Variants in LRRC41 observed in about 807,000 individuals in gnomAD.
LRRC41 encodes the protein leucine-rich repeat-containing protein 41.
A neutral mutation model predicts 72.1 loss-of-function variants in LRRC41; 17 were observed. The observed-to-expected ratio is 0.24, with a 90% confidence interval of 0.16 to 0.35. LRRC41 has a LOEUF of 0.35. Ranked by LOEUF, LRRC41 falls within the 10% of genes least tolerant of loss-of-function variation. The pLI, the probability that LRRC41 is intolerant of heterozygous loss-of-function variation, is 1.00. For missense variants in LRRC41, 759 were observed against 1,065.0 expected (o/e 0.71, Z 4.00); for synonymous variants, 427 against 431.0 (o/e 0.99, Z 0.11).
rs72883420 is a variant in LRRC41 at position 46,297,918 on chromosome 1, G to C, written c.287-285C>G. ...AAAGGATTAGGGTAAATGAGTTTCTGTGGGTAAAGTGCCTAGGACAATGCT... is the reference window on the plus strand; with the variant it reads ...AAAGGATTAGGGTAAATGAGTTTCTCTGGGTAAAGTGCCTAGGACAATGCT... On this transcript the variant is annotated intron_variant, in intron 2 of 9. Transcript: ENST00000617190. Among the ~76,000 whole-genome samples the C allele has an allele frequency of 8.2e-3, 1,250 of 152,296 alleles. 19 individuals carry two copies. Among genetic ancestry groups the C allele is most frequent in the Middle Eastern group, 0.037 (11 of 294 alleles).
In LRRC41 at chr1:46,303,324, T is replaced by A. The variant is rs1569674726; in HGVS notation, c.-2A>T. On this transcript the variant is annotated 5_prime_UTR_variant, in exon 1 of 10. It adds an upstream start codon to the 5' untranslated region. Coordinates refer to ENST00000617190, the MANE Select transcript of LRRC41 (RefSeq NM_006369.5). Reference sequence around the variant, plus strand: ...GCGCCAGGCCTCGGGCGCCGCCATCTTGGGGAGGTGCGCGAGCCCGAGAGT... The same window carrying A: ...GCGCCAGGCCTCGGGCGCCGCCATCATGGGGAGGTGCGCGAGCCCGAGAGT... 2.6e-6 allele frequency: 4 copies of A among 1,516,062 alleles called. No individual in the cohort carries two copies. Among genetic ancestry groups the A allele is most frequent in the Non-Finnish European group, 2.6e-6 (3 of 1,135,288 alleles). The allele number at this position is 1,516,062 out of a possible 1,614,324, so 93.9% of individuals were successfully genotyped here.
At position 46,285,630 on chromosome 1, in the gene LRRC41, C is replaced by T; in HGVS notation, c.1227G>A (p.Glu409=). Reference sequence around the variant, plus strand: ...AAACGAAGTCATACAGGTCTTCAGACTCTGCACCAGGCCCCTGACGGGTGC... The same window carrying T: ...AAACGAAGTCATACAGGTCTTCAGATTCTGCACCAGGCCCCTGACGGGTGC... ...GARTRQGPGA[E]SEDLYDFVFI... Residue 409 remains glutamate (E), a synonymous_variant, in exon 4 of 10, where the codon GAG becomes GAA. Transcript: ENST00000617190. The surrounding 1 kb of genome is among the most constrained non-coding windows in gnomAD (Gnocchi z 5.3). The T allele has an allele frequency of 6.2e-7, 1 of 1,614,184 alleles. No homozygotes were observed. Among genetic ancestry groups the T allele is most frequent in the Non-Finnish European group, 8.5e-7 (1 of 1,180,030 alleles).
At chr1:46,290,916 G>GTTTTTTTTT (rs71062750) in intron 3 of LRRC41, among the ~76,000 whole-genome samples, 4 of 65,728 alleles carry the variant, frequency 6.1e-5, no homozygotes, top group Non-Finnish European at 8.6e-5. Flanking sequence ...CCTGTTTCTA[G>GTTTTTTTTT]TTTTTTTTTT....
chr1:46,293,534 C>T (rs1174557542), intron 3 of LRRC41, among the ~76,000 whole-genome samples: 2 of 152,138 alleles, frequency 1.3e-5, no homozygotes, highest in South Asian at 2.1e-4. Flanking sequence ...TGAGCCATCA[C>T]ACCCGGCCTG....
At position 46,302,707 on chromosome 1, in the gene LRRC41, G is replaced by A; in HGVS notation, c.199+417C>T. The A allele has an allele frequency of 1.0e-6, 1 of 985,184 alleles. No individual in the cohort carries two copies. The highest frequency in any genetic ancestry group is 1.2e-6 in the Non-Finnish European group (1 of 829,788). The allele number at this position is 985,184 out of a possible 1,614,324, so 61.0% of individuals were successfully genotyped here. ...CGGGCCTGGCCTGGCCTTGCCTTAG[G>A]CCGGGCCTCCTAACCTCGGCCCCTG... On this transcript the variant is annotated intron_variant, in intron 1 of 9. Transcript: ENST00000617190. The surrounding 1 kb of genome is among the most constrained non-coding windows in gnomAD (Gnocchi z 4.7).
intron 1 of LRRC41, among the ~76,000 whole-genome samples, chr1:46,301,737 C>T (rs1156352005): frequency 2.0e-5 from 3 of 152,086 alleles, no homozygotes; most frequent in Admixed American, 1.3e-4. Flanking sequence ...CTGACCAGGG[C>T]CTTCCTCCTG....
intron 1 of LRRC41, 59 bp downstream of exon 1, chr1:46,303,065 C>T: frequency 7.4e-7 from 1 of 1,342,724 alleles, no homozygotes; most frequent in Non-Finnish European, 9.5e-7. Flanking sequence ...CCCGCGCCCC[C>T]CGGCCGCTGG....
chr1:46,293,632 C>T (rs1157001824), intron 3 of LRRC41, among the ~76,000 whole-genome samples: 3 of 151,508 alleles, frequency 2.0e-5, no homozygotes, highest in East Asian at 3.9e-4. Context: ...TGCAATGGAG[C>T]GATCTAGTCT....
intron 1 of LRRC41, chr1:46,300,120 G>A (rs546060615): frequency 1.6e-4 from 25 of 152,154 alleles, no homozygotes; most frequent in African/African-American, 6.0e-4. Context: ...TTAAGTCCAG[G>A]AGTTTGAGAC....
chr1:46,289,014 G>A lies in LRRC41; in HGVS notation c.358-2515C>T, dbSNP rs375178029. 3.9e-5 allele frequency among the ~76,000 whole-genome samples: 6 copies of A among 152,202 alleles called. No homozygotes were observed. The East Asian group carries it at 9.6e-4, about 24-fold the overall frequency. On this transcript the variant is annotated intron_variant, in intron 3 of 9. Transcript: ENST00000617190. ...GAGTCAGATGGTTATTACAATATCTGTGCCTAAAATATGGACAAAGATGGT... is the reference window on the plus strand; with the variant it reads ...GAGTCAGATGGTTATTACAATATCTATGCCTAAAATATGGACAAAGATGGT...
rs776926012 is a variant in LRRC41, at chr1:46,286,569, A to C, written c.358-70T>G. On this transcript the variant is annotated intron_variant, in intron 3 of 9. Coordinates refer to ENST00000617190, the MANE Select transcript of LRRC41 (RefSeq NM_006369.5). This position sits in a 1 kb window ranked among gnomAD's most constrained non-coding sequence, Gnocchi z 5.5. ...AACTGTCCAAATTTCCCTCTCTTCC[A>C]ATAGCACACTATTTACTGAGTCAGG... 2 of 1,383,070 alleles carry C rather than the reference A, an allele frequency of 1.4e-6. No homozygotes were observed. Among genetic ancestry groups the C allele is most frequent in the African/African-American group, 2.9e-5 (2 of 69,192 alleles). 85.7% of individuals were successfully genotyped at this position (1,383,070 alleles called of 1,614,324 possible). A position where few individuals can be genotyped will look rare whatever the true frequency, so the allele number is the denominator to read the frequency against.
chr1:46,292,182 C>T (rs532693689), intron 3 of LRRC41, among the ~76,000 whole-genome samples: 3 of 151,470 alleles, frequency 2.0e-5, no homozygotes, highest in East Asian at 1.9e-4. Context: ...AGCTGATGGG[C>T]GCCTGTAATC....
At chr1:46,289,434 A>AAG (rs1491561841) in intron 3 of LRRC41, among the ~76,000 whole-genome samples, 1 of 145,584 alleles carries the variant, frequency 6.9e-6, no homozygotes, top group East Asian at 1.9e-4. Context: ...ACGAGCAGAC[A>AAG]AGAGATCATG....
At position 46,290,805 on chromosome 1, in the gene LRRC41, G is replaced by A. The variant is rs138257788; in HGVS notation, c.358-4306C>T. ...GGTATTTTTTAGTAGACAGGGTTTC[G>A]CCATGTTGGCCAGGCTGGTCTCAAA... On this transcript the variant is annotated intron_variant, in intron 3 of 9. Coordinates refer to ENST00000617190, the MANE Select transcript of LRRC41 (RefSeq NM_006369.5). 1.4e-3 allele frequency among the ~76,000 whole-genome samples: 217 copies of A among 151,366 alleles called. 5 individuals carry two copies. The East Asian group carries it at 0.036, about 25-fold the overall frequency.
At position 46,278,868 on chromosome 1, in the gene LRRC41, C is replaced by G. The variant is rs746597494; in HGVS notation, c.2436G>C (p.Met812Ile). The change falls in exon 10 of 10, where the codon ATG becomes ATC. Residue 812 changes from methionine (M) to isoleucine (I), a missense_variant. Transcript: ENST00000617190. Reference sequence around the variant, plus strand: ...AGACTGTGAGGTACGGGCCCCATCACATGGTGCTAACATAATCTGCGAAGG... The same window carrying G: ...AGACTGTGAGGTACGGGCCCCATCAGATGGTGCTAACATAATCTGCGAAGG... ...SQAFADYVST[M>I] is the part of the protein sequence containing the mutation. 21 of 1,607,726 alleles carry G rather than the reference C, an allele frequency of 1.3e-5. No individual in the cohort carries two copies. The East Asian group carries it at 4.5e-4, about 34-fold the overall frequency.
At chr1:46,293,482 T>C (rs2148322785) in intron 3 of LRRC41, among the ~76,000 whole-genome samples, 1 of 152,284 alleles carries the variant, frequency 6.6e-6, no homozygotes, top group South Asian at 2.1e-4. Context: ...TCAAGCAATC[T>C]GACCACCTTG....
chr1:46,280,092 G>C, intron 7 of LRRC41, 100 bp downstream of exon 7: 1 of 888,548 alleles, frequency 1.1e-6, no homozygotes, highest in Non-Finnish European at 1.9e-6. Context: ...TATAGCTGAG[G>C]ACACAAGGCC....
Position 46,277,975 on chromosome 1 carries a change from T to C in LRRC41, c.*890A>G, listed in dbSNP as rs2148308191. 3.7e-6 allele frequency: 6 copies of C among 1,614,056 alleles called. No homozygotes were observed. The highest frequency in any genetic ancestry group is 5.1e-6 in the Non-Finnish European group (6 of 1,179,994). On this transcript the variant is annotated 3_prime_UTR_variant, in exon 10 of 10. Coordinates refer to ENST00000617190, the MANE Select transcript of LRRC41 (RefSeq NM_006369.5). ...ATGAAGCTAGCCTCAGTGACACACA[T>C]GACAGGTGGGGAAGTGCCCTAACCA...
Position 46,303,351 on chromosome 1 carries a change from T to G in LRRC41, c.-29A>C. 3.4e-6 allele frequency: 5 copies of G among 1,476,032 alleles called. No individual in the cohort carries two copies. The highest frequency in any genetic ancestry group is 4.5e-6 in the Non-Finnish European group (5 of 1,115,662). The allele number at this position is 1,476,032 out of a possible 1,614,324, so 91.4% of individuals were successfully genotyped here. A position where few individuals can be genotyped will look rare whatever the true frequency, so the allele number is the denominator to read the frequency against. On this transcript the variant is annotated 5_prime_UTR_variant, in exon 1 of 10. Coordinates refer to ENST00000617190, the MANE Select transcript of LRRC41 (RefSeq NM_006369.5). ...GGGGAGGTGCGCGAGCCCGAGAGTG[T>G]CGCCCGCGGACCGCCATCTTGAAAA...
Sources: gnomAD v4.1 joint callset for allele counts (sites outside exome capture counted in the v4.1 genomes callset) on GRCh38, gnomAD v4.1.1 for gene constraint, Gnocchi (gnomAD v3.1) non-coding constraint, MANE v1.5 for transcripts, NCBI Gene and HGNC (gene_info 2026-07-23, HGNC 2026-07-21) for gene names.